The following ZBTB4 variants were observed in gnomAD, a reference collection of about 807,000 sequenced individuals.
ZBTB4 encodes the protein zinc finger and BTB domain-containing protein 4.
A neutral mutation model predicts 59.8 loss-of-function variants in ZBTB4; 14 were observed. That is an observed-to-expected ratio of 0.23 (90% CI 0.15 to 0.37). ZBTB4 has a LOEUF of 0.37. ZBTB4 is among the 10% of genes least tolerant of loss of function. The pLI is 1.00. For synonymous variants in ZBTB4, 587 were observed against 575.2 expected (o/e 1.02, Z -0.29); for missense variants, 1,198 against 1,380.8 (o/e 0.87, Z 2.10).
chr17:7,482,065 G>A (rs1233771513), upstream of ZBTB4: 3 of 1,613,852 alleles, frequency 1.9e-6, no homozygotes, highest in African/African-American at 4.0e-5. Context: ...GCCTCCGCTG[G>A]CACCAGTGCT....
In ZBTB4 at chr17:7,463,422, T is replaced by C; in HGVS notation, c.1560A>G (p.Arg520=). 6.4e-7 allele frequency: 1 copy of C among 1,571,212 alleles called. No homozygotes were observed. The highest frequency in any genetic ancestry group is 8.6e-7 in the Non-Finnish European group (1 of 1,158,848). ...GCTCAGGGGGAGGAGGTGGGTATTC[T>C]CGTTTCTTGGGTGGCCTCGGGGGAG... The part of the protein sequence containing the change: ...YTAPPRPPKK[R]EYPPPPPEPA... Residue 520 remains arginine (R), a synonymous_variant, in exon 4 of 4, where the codon CGA becomes CGG. Transcript: ENST00000380599.
intron 3 of ZBTB4, among the ~76,000 whole-genome samples, chr17:7,464,431 GAAAA>G (rs55956412): frequency 1.0e-5 from 1 of 96,182 alleles, no homozygotes. Context: ...GTCAAAAAAA[GAAAA>G]AAAAAAAAAA....
rs1280873086 is a variant in ZBTB4 at position 7,463,143 on chromosome 17, G to A, written c.1839C>T (p.Ile613=). The change falls in exon 4 of 4, where the codon ATC becomes ATT. Residue 613 remains isoleucine, a synonymous_variant. Coordinates refer to ENST00000380599, the MANE Select transcript of ZBTB4 (RefSeq NM_001128833.2). ...CAGTCTCTGAGATGCGGCGCTTGACGATGGCCTCCTCCCCTATTCGCACAG... is the reference window on the plus strand; with the variant it reads ...CAGTCTCTGAGATGCGGCGCTTGACAATGGCCTCCTCCCCTATTCGCACAG... ...QITVRIGEEA[I]VKRRISETDL... is the part of the protein sequence containing the mutation. 1.2e-6 allele frequency: 2 copies of A among 1,608,160 alleles called. No homozygotes were observed. Among genetic ancestry groups the A allele is most frequent in the East Asian group, 2.2e-5 (1 of 44,780 alleles).
intron 1 of ZBTB4, among the ~76,000 whole-genome samples, chr17:7,473,584 T>C (rs1235744132): frequency 6.6e-6 from 1 of 152,164 alleles, no homozygotes; most frequent in Non-Finnish European, 1.5e-5. Flanking sequence ...TCTTGCTCTG[T>C]TGCCCAGGCT....
At chr17:7,469,906 A>C (rs961955912) in intron 1 of ZBTB4, among the ~76,000 whole-genome samples, 2 of 151,714 alleles carry the variant, frequency 1.3e-5, no homozygotes, top group Non-Finnish European at 2.9e-5. Context: ...ACATGGTGAA[A>C]CCCTCTCTCT....
chr17:7,480,644 T>A (rs549049338), upstream of ZBTB4, among the ~76,000 whole-genome samples: 1 of 151,836 alleles, frequency 6.6e-6, no homozygotes, highest in South Asian at 2.1e-4. Flanking sequence ...GGCGTGAACC[T>A]GGGAGGCGGA....
chr17:7,463,673 C>G lies in ZBTB4; in HGVS notation c.1309G>C (p.Ala437Pro), dbSNP rs2070070421. The change falls in exon 4 of 4, where the codon GCT becomes CCT. Residue 437 changes from alanine to proline, a missense_variant. Transcript: ENST00000380599. ...GTGTTGAGGGTTGGAGAAAGGGGAG[C>G]CTCCGGGGCTCCCTGGCTGTAGGTC... Reference protein sequence around the residue: ...YKTYSQGAPEAPLSPTLNTPA... With the variant: ...YKTYSQGAPEPPLSPTLNTPA... 1 of 1,613,326 alleles carries G rather than the reference C, an allele frequency of 6.2e-7. No homozygotes were observed. The highest frequency in any genetic ancestry group is 1.3e-5 in the African/African-American group (1 of 74,894).
Position 7,474,220 on chromosome 17 carries a change from C to CTTTTT in ZBTB4, c.-81+5231_-81+5235dup, listed in dbSNP as rs67462449. Among the ~76,000 whole-genome samples the CTTTTT allele has an allele frequency of 9.5e-5, 11 of 116,118 alleles. 3 individuals are homozygous for CTTTTT. The highest frequency in any genetic ancestry group is 1.7e-4 in the Non-Finnish European group (10 of 57,928). 76.2% of individuals were successfully genotyped at this position (116,118 alleles called of 152,430 possible). A position where few individuals can be genotyped will look rare whatever the true frequency, so the allele number is the denominator to read the frequency against. On this transcript the variant is annotated intron_variant, in intron 1 of 3. Transcript: ENST00000380599. ...ACAGGCATGAGCCACCATGGCCAGA[C>CTTTTT]TTTTTTTTTTTTTGACATGAGGTCT...
chr17:7,466,451 G>C lies in ZBTB4; in HGVS notation c.351C>G (p.Pro117=). The C allele has an allele frequency of 2.5e-6, 4 of 1,613,152 alleles. No individual in the cohort carries two copies. Among genetic ancestry groups the C allele is most frequent in the Non-Finnish European group, 3.4e-6 (4 of 1,179,678 alleles). The change falls in exon 3 of 4, where the codon CCC becomes CCG. Residue 117 remains proline (P), a synonymous_variant. Transcript: ENST00000380599. The surrounding 1 kb of genome is among the most constrained non-coding windows in gnomAD (Gnocchi z 9.1). ...GGACCCGGGGTGGGGAAGAAGCAGG[G>C]GGAGAGGCTGGAGGGGGAGAGGAAG... ...SSSSSPPPAS[P]PASSPPRVLE... is the part of the protein sequence containing the mutation.
At position 7,463,170 on chromosome 17, in the gene ZBTB4, G is replaced by A; in HGVS notation, c.1812C>T (p.Ile604=). Residue 604 remains isoleucine (I), a synonymous_variant, in exon 4 of 4, where the codon ATC becomes ATT. Coordinates refer to ENST00000380599, the MANE Select transcript of ZBTB4 (RefSeq NM_001128833.2). ...QLQAPPPLCQ[I]TVRIGEEAIV... ...TGGCCTCCTCCCCTATTCGCACAGT[G>A]ATCTGACACAGTGGAGGTGGAGCCT... The A allele has an allele frequency of 6.2e-7, 1 of 1,607,432 alleles. No homozygotes were observed. Among genetic ancestry groups the A allele is most frequent in the Non-Finnish European group, 8.5e-7 (1 of 1,178,856 alleles).
chr17:7,463,136 G>A lies in ZBTB4; in HGVS notation c.1846C>T (p.Arg616Cys), dbSNP rs1334590967. 1.9e-6 allele frequency: 3 copies of A among 1,608,158 alleles called. No individual in the cohort carries two copies. Among genetic ancestry groups the A allele is most frequent in the Non-Finnish European group, 1.7e-6 (2 of 1,178,780 alleles). Residue 616 changes from arginine (R) to cysteine (C), a missense_variant, in exon 4 of 4, where the codon CGC becomes TGC. Coordinates refer to ENST00000380599, the MANE Select transcript of ZBTB4 (RefSeq NM_001128833.2). ...CGCAGGTCAGTCTCTGAGATGCGGC[G>A]CTTGACGATGGCCTCCTCCCCTATT... ...VRIGEEAIVK[R>C]RISETDLRPG...
rs1434966086 is a variant in ZBTB4, at chr17:7,469,557, G to A, written c.-80-2230C>T. 4.0e-5 allele frequency among the ~76,000 whole-genome samples: 6 copies of A among 150,108 alleles called. No homozygotes were observed. The East Asian group carries it at 1.2e-3, about 31-fold the overall frequency. Reference sequence around the variant, plus strand: ...GCGGGCGGATCATCTGAGGTCAGGAGTTCTAGACCAGCCTGGCCAATGTGG... The same window carrying A: ...GCGGGCGGATCATCTGAGGTCAGGAATTCTAGACCAGCCTGGCCAATGTGG... On this transcript the variant is annotated intron_variant, in intron 1 of 3. Coordinates refer to ENST00000380599, the MANE Select transcript of ZBTB4 (RefSeq NM_001128833.2).
At chr17:7,483,400 C>T (rs1446250950), upstream of ZBTB4, 1 of 289,538 alleles carries the variant, frequency 3.5e-6, no homozygotes, top group Admixed American at 4.9e-5. Flanking sequence ...CTCCCCACCC[C>T]TCCCCTCACG....
At chr17:7,474,394 T>C (rs2070241436) in intron 1 of ZBTB4, among the ~76,000 whole-genome samples, 1 of 151,930 alleles carries the variant, frequency 6.6e-6, no homozygotes, top group African/African-American at 2.4e-5. Context: ...ATTTTTTGTA[T>C]TTTTAGTAGA....
upstream of ZBTB4, chr17:7,482,156 T>C: frequency 6.2e-7 from 1 of 1,614,120 alleles, no homozygotes; most frequent in Non-Finnish European, 8.5e-7. Context: ...GGGCCCCCTT[T>C]CTCATATGGC....
At chr17:7,468,250 G>A (rs2070154223) in intron 1 of ZBTB4, among the ~76,000 whole-genome samples, 1 of 152,184 alleles carries the variant, frequency 6.6e-6, no homozygotes, top group African/African-American at 2.4e-5. Context: ...GCACGTGCCT[G>A]TAATCCCAGC....
In ZBTB4 at chr17:7,465,692, G is replaced by A. The variant is rs781539599; in HGVS notation, c.1091+19C>T. ...AGTGCCAGCCTCCAGCCGCTCCCCC[G>A]CCAGCCTGGATCACTCACCTGCGCT... is the stretch of plus-strand genomic sequence containing the variant. On this transcript the variant is annotated intron_variant, in intron 3 of 3. Transcript: ENST00000380599. 15 of 1,572,596 alleles carry A rather than the reference G, an allele frequency of 9.5e-6. No homozygotes were observed. Among genetic ancestry groups the A allele is most frequent in the African/African-American group, 4.0e-5 (3 of 74,326 alleles).
chr17:7,473,695 C>T (rs941945967), intron 1 of ZBTB4, among the ~76,000 whole-genome samples: 7 of 151,856 alleles, frequency 4.6e-5, no homozygotes, highest in African/African-American at 1.7e-4. Flanking sequence ...ACTACAGGTA[C>T]CTGCCACCAT....
intron 2 of ZBTB4, 119 bp downstream of exon 2, chr17:7,467,138 C>A: frequency 7.0e-6 from 8 of 1,137,630 alleles, no homozygotes; most frequent in Non-Finnish European, 8.7e-6. Context: ...GGAGGAAGCT[C>A]CACAACTCCT....
Sources: allele counts gnomAD v4.1 joint callset (sites outside exome capture counted in the v4.1 genomes callset), GRCh38; gene constraint gnomAD v4.1.1; non-coding constraint Gnocchi (gnomAD v3.1); transcripts MANE v1.5; gene names NCBI Gene and HGNC (gene_info 2026-07-23, HGNC 2026-07-21).